The following GABRG3 variants were observed in gnomAD, a reference collection of about 807,000 sequenced individuals.
The protein encoded by GABRG3 is gamma-aminobutyric acid type A receptor subunit gamma3.
Under a neutral mutation model 48.8 loss-of-function variants are expected in GABRG3, and 25 were observed. That is an observed-to-expected ratio of 0.51 (90% CI 0.37 to 0.72). The LOEUF is 0.72. GABRG3 is among the 30% of genes least tolerant of loss of function. GABRG3 has a pLI of 0.00. For missense variants in GABRG3, 394 were observed against 577.9 expected (o/e 0.68, Z 3.26); for synonymous variants, 227 against 217.6 (o/e 1.04, Z -0.38).
intron 3 of GABRG3, among the ~76,000 whole-genome samples, chr15:27,070,513 C>G (rs116878388): frequency 0.013 from 2,021 of 152,286 alleles, 18 homozygotes; most frequent in Non-Finnish European, 0.019. Context: ...AAAATTTCCT[C>G]TCTTGCACCC....
chr15:27,450,294 C>T (rs1199025839), intron 5 of GABRG3, among the ~76,000 whole-genome samples: 1 of 152,140 alleles, frequency 6.6e-6, no homozygotes, highest in Non-Finnish European at 1.5e-5. Context: ...CCCCGATGAA[C>T]ACAGATGCAA....
intron 3 of GABRG3, among the ~76,000 whole-genome samples, chr15:27,200,267 G>T (rs1253187972): frequency 6.6e-6 from 1 of 152,180 alleles, no homozygotes; most frequent in Non-Finnish European, 1.5e-5. Context: ...TTTATGTGGG[G>T]GCAGGCATGG....
At chr15:26,982,530 A>AC (rs1432275525) in intron 2 of GABRG3, among the ~76,000 whole-genome samples, 1 of 152,114 alleles carries the variant, frequency 6.6e-6, no homozygotes, top group Non-Finnish European at 1.5e-5. Flanking sequence ...TATTCCTCAC[A>AC]CCCCAACAAT....
At chr15:27,022,979 T>C (rs991223775) in intron 2 of GABRG3, among the ~76,000 whole-genome samples, 3 of 152,200 alleles carry the variant, frequency 2.0e-5, no homozygotes, top group Non-Finnish European at 4.4e-5. Flanking sequence ...TGATGCTTGT[T>C]GAGGCTTAGC....
chr15:27,368,023 G>A (rs1895269300), intron 5 of GABRG3, among the ~76,000 whole-genome samples: 1 of 152,142 alleles, frequency 6.6e-6, no homozygotes, highest in South Asian at 2.1e-4. Context: ...GTACTTTCAG[G>A]TTTGGGCCTC....
At chr15:27,286,631 GT>G (rs1891622006) in intron 3 of GABRG3, among the ~76,000 whole-genome samples, 1 of 152,186 alleles carries the variant, frequency 6.6e-6, no homozygotes, top group Admixed American at 6.5e-5. Context: ...TATTTATAGT[GT>G]TTGGGAAAAT....
At chr15:27,409,062 T>C (rs1255529215) in intron 5 of GABRG3, among the ~76,000 whole-genome samples, 2 of 152,166 alleles carry the variant, frequency 1.3e-5, no homozygotes, top group East Asian at 3.9e-4. Flanking sequence ...CTGTAGCTTA[T>C]CTTTTTATCC....
intron 3 of GABRG3, among the ~76,000 whole-genome samples, chr15:27,253,057 C>T (rs892982822): frequency 3.9e-5 from 6 of 152,162 alleles, no homozygotes; most frequent in South Asian, 4.1e-4. Context: ...GACACCACGC[C>T]GAATCGATGC....
chr15:27,338,301 C>T (rs780395885), intron 5 of GABRG3, among the ~76,000 whole-genome samples: 12 of 152,130 alleles, frequency 7.9e-5, no homozygotes, highest in East Asian at 7.7e-4. Context: ...TAACCAGGAA[C>T]GTGCTGGAAA....
intron 2 of GABRG3, among the ~76,000 whole-genome samples, chr15:27,009,411 G>A (rs868664966): frequency 2.0e-5 from 3 of 152,154 alleles, no homozygotes; most frequent in East Asian, 1.9e-4. Context: ...TGAAAAAACC[G>A]TTAGGATCCA....
Position 27,124,636 on chromosome 15 carries a change from GA to G in GABRG3, c.270+97816del, listed in dbSNP as rs1184253550. ...GTAATGCCTCAGTCTTTCAGAGCCT[GA>G]CTCAGCGCCTCTTGGCTTTAGATAA... is the stretch of plus-strand genomic sequence containing the variant. On this transcript the variant is annotated intron_variant, in intron 3 of 9. Transcript: ENST00000615808. 3.3e-5 allele frequency among the ~76,000 whole-genome samples: 5 copies of G among 152,188 alleles called. No homozygotes were observed. In the South Asian group the frequency reaches 1.0e-3, roughly 32 times the overall value.
chr15:27,124,661 A>G (rs1355446396), intron 3 of GABRG3, among the ~76,000 whole-genome samples: 1 of 152,088 alleles, frequency 6.6e-6, no homozygotes, highest in Non-Finnish European at 1.5e-5. Flanking sequence ...GGCTTTAGAT[A>G]ACAGCTCTAC....
At chr15:27,358,174 GTTGTTT>G (rs1894902975) in intron 5 of GABRG3, among the ~76,000 whole-genome samples, 1 of 152,146 alleles carries the variant, frequency 6.6e-6, no homozygotes, top group African/African-American at 2.4e-5. Context: ...AATACTGCCA[GTTGTTT>G]TCTTAGAAGT....
chr15:27,376,432 C>G (rs1022811751), intron 5 of GABRG3, among the ~76,000 whole-genome samples: 3 of 152,248 alleles, frequency 2.0e-5, no homozygotes, highest in Non-Finnish European at 4.4e-5. Flanking sequence ...TCCTTCTGCA[C>G]TACACTAGTA....
intron 7 of GABRG3, among the ~76,000 whole-genome samples, chr15:27,526,928 C>CA (rs1393164102): frequency 6.6e-6 from 1 of 151,902 alleles, no homozygotes; most frequent in South Asian, 2.1e-4. Flanking sequence ...ATAATGAAAA[C>CA]AAAAAAAGCT....
intron 5 of GABRG3, among the ~76,000 whole-genome samples, chr15:27,368,124 G>T: frequency 6.6e-6 from 1 of 152,156 alleles, no homozygotes; most frequent in Non-Finnish European, 1.5e-5. Flanking sequence ...CATAGAGAAG[G>T]GCTGTTTCTT....
intron 3 of GABRG3, among the ~76,000 whole-genome samples, chr15:27,057,860 T>C (rs955750727): frequency 6.6e-6 from 1 of 152,194 alleles, no homozygotes; most frequent in African/African-American, 2.4e-5. Flanking sequence ...GAAGTTTCCA[T>C]GCACATCCAC....
chr15:27,286,120 G>A (rs1269884858), intron 3 of GABRG3, among the ~76,000 whole-genome samples: 1 of 152,214 alleles, frequency 6.6e-6, no homozygotes, highest in Non-Finnish European at 1.5e-5. Flanking sequence ...GAAATGAGCT[G>A]TGCATTCAAC....
intron 3 of GABRG3, among the ~76,000 whole-genome samples, chr15:27,166,353 T>TC (rs1199455764): frequency 6.6e-6 from 1 of 152,196 alleles, no homozygotes; most frequent in Non-Finnish European, 1.5e-5. Context: ...ATTGATTTGC[T>TC]CTTTTAAAAA....
Sources: allele counts gnomAD v4.1 joint callset (sites outside exome capture counted in the v4.1 genomes callset), GRCh38; gene constraint gnomAD v4.1.1; transcripts MANE v1.5; gene names NCBI Gene and HGNC (gene_info 2026-07-23, HGNC 2026-07-21).